KIAA0825: variants seen among roughly 807,000 people sequenced by gnomAD.
KIAA0825 encodes KIAA0825.
KIAA0825 carries 119 observed loss-of-function variants against 147.6 expected under a neutral mutation model. The observed-to-expected ratio is 0.81, with a 90% confidence interval of 0.69 to 0.94. KIAA0825 has a LOEUF of 0.94. Ranked by LOEUF, KIAA0825 falls within the 40% of genes least tolerant of loss-of-function variation. KIAA0825 has a pLI of 0.00. For missense variants in KIAA0825, 1,381 were observed against 1,472.7 expected, an observed-to-expected ratio of 0.94 and a Z score of 1.02; for synonymous variants, 470 against 518.1, an observed-to-expected ratio of 0.91 and a Z score of 1.26.
At chr5:94,312,220 GGTGT>G (rs142667357) in intron 20 of KIAA0825, among the ~76,000 whole-genome samples, 11 of 149,344 alleles carry the variant, frequency 7.4e-5, no homozygotes, top group Admixed American at 3.4e-4. Context: ...TAATATACAT[GGTGT>G]GTGTGTGTGT....
At chr5:94,565,345 C>CTTT (rs200278201) in intron 2 of KIAA0825, among the ~76,000 whole-genome samples, 5 of 136,990 alleles carry the variant, frequency 3.6e-5, no homozygotes, top group Admixed American at 7.4e-5. Flanking sequence ...ATTTTAATTC[C>CTTT]TTTTTTTTTT....
chr5:94,372,583 G>C (rs1196875123), intron 20 of KIAA0825, among the ~76,000 whole-genome samples: 1 of 152,198 alleles, frequency 6.6e-6, no homozygotes, highest in East Asian at 1.9e-4. Flanking sequence ...TGAAGCAGCT[G>C]GGATGCAGGG....
chr5:94,362,683 C>T (rs977020408), intron 20 of KIAA0825, among the ~76,000 whole-genome samples: 4 of 145,802 alleles, frequency 2.7e-5, no homozygotes, highest in African/African-American at 9.8e-5. Flanking sequence ...TCTATCTCCT[C>T]CACTAGATTC....
intron 20 of KIAA0825, among the ~76,000 whole-genome samples, chr5:94,235,780 A>G (rs1225974185): frequency 6.6e-6 from 1 of 152,194 alleles, no homozygotes; most frequent in Non-Finnish European, 1.5e-5. Context: ...TTCATTTACC[A>G]TTCCAAAAAT....
Position 94,217,575 on chromosome 5 carries a change from G to T in KIAA0825, c.3711-63451C>A, listed in dbSNP as rs527355404. On this transcript the variant is annotated intron_variant, in intron 20 of 20. Transcript: ENST00000682413. ...CATACTGTAGGTAGCCCTATATTTT[G>T]AAATGACAGTCTTGATTTAAATTTT... Among the ~76,000 whole-genome samples the T allele has an allele frequency of 3.9e-5, 6 of 152,270 alleles. No homozygotes were observed. In the South Asian group the frequency reaches 1.2e-3, roughly 32 times the overall value.
At chr5:94,224,598 A>G (rs1228592095) in intron 20 of KIAA0825, among the ~76,000 whole-genome samples, 1 of 152,180 alleles carries the variant, frequency 6.6e-6, no homozygotes, top group East Asian at 1.9e-4. Context: ...GGTGATGACT[A>G]TAAATGTTTT....
At chr5:94,492,240 TG>T (rs1207336031) in intron 5 of KIAA0825, among the ~76,000 whole-genome samples, 1 of 152,234 alleles carries the variant, frequency 6.6e-6, no homozygotes, top group Non-Finnish European at 1.5e-5. Flanking sequence ...CCAGATGGCT[TG>T]GCTTCAAATC....
intron 20 of KIAA0825, among the ~76,000 whole-genome samples, chr5:94,283,597 C>T (rs1478431275): frequency 6.6e-6 from 1 of 151,996 alleles, no homozygotes; most frequent in Non-Finnish European, 1.5e-5. Context: ...GTAGATATAG[C>T]AAAATTTCAG....
intron 1 of KIAA0825, among the ~76,000 whole-genome samples, chr5:94,604,821 A>G (rs1297088806): frequency 6.6e-6 from 1 of 152,176 alleles, no homozygotes; most frequent in Non-Finnish European, 1.5e-5. Flanking sequence ...ACAAGCTAAC[A>G]TTACAATTAA....
At chr5:94,333,543 G>A (rs1292974352) in intron 20 of KIAA0825, among the ~76,000 whole-genome samples, 1 of 152,110 alleles carries the variant, frequency 6.6e-6, no homozygotes, top group Non-Finnish European at 1.5e-5. Flanking sequence ...TTGTAGATGT[G>A]TGGTGTTATT....
rs199584447 is a variant in KIAA0825, at chr5:94,296,787, C to G, written c.3710+87581G>C. Among the ~76,000 whole-genome samples the G allele has an allele frequency of 2.0e-4, 30 of 152,252 alleles. No homozygotes were observed. The East Asian group carries it at 5.2e-3, about 26-fold the overall frequency. On this transcript the variant is annotated intron_variant, in intron 20 of 20. Coordinates refer to ENST00000682413, the MANE Select transcript of KIAA0825 (RefSeq NM_001145678.3). ...GCTGGGTTGGAAGTGCAGAAATCAC[C>G]TGCCTTCTGCATTGATCTTGCTGGG...
chr5:94,199,282 A>C (rs1771438690), intron 20 of KIAA0825, among the ~76,000 whole-genome samples: 1 of 152,056 alleles, frequency 6.6e-6, no homozygotes, highest in Non-Finnish European at 1.5e-5. Context: ...CAACTGTCTT[A>C]ATTTCTGCAT....
At chr5:94,426,029 T>TTAC (rs1030693199) in intron 14 of KIAA0825, among the ~76,000 whole-genome samples, 3 of 147,558 alleles carry the variant, frequency 2.0e-5, no homozygotes, top group Non-Finnish European at 4.5e-5. Context: ...TGTATTATTA[T>TTAC]TATCATTATT....
At position 94,374,046 on chromosome 5, in the gene KIAA0825, G is replaced by C. The variant is rs960320206; in HGVS notation, c.3710+10322C>G. On this transcript the variant is annotated intron_variant, in intron 20 of 20. Transcript: ENST00000682413. ...AACTTTTTGCAAAAAAAATTACAGA[G>C]GTTTTTGGGTCTGAACAGTATGTGA... is the stretch of plus-strand genomic sequence containing the variant. Among the ~76,000 whole-genome samples the C allele has an allele frequency of 5.9e-5, 9 of 152,236 alleles. No homozygotes were observed. In the East Asian group the frequency reaches 1.2e-3, roughly 20 times the overall value.
intron 2 of KIAA0825, among the ~76,000 whole-genome samples, chr5:94,543,848 C>T (rs1241287359): frequency 5.3e-5 from 8 of 152,212 alleles, no homozygotes; most frequent in Non-Finnish European, 1.2e-4. Context: ...CTCCCATCAG[C>T]ACCATGACAG....
chr5:94,557,183 A>C (rs1339175479), intron 2 of KIAA0825, among the ~76,000 whole-genome samples: 1 of 152,124 alleles, frequency 6.6e-6, no homozygotes, highest in Non-Finnish European at 1.5e-5. Flanking sequence ...GCACGATCAC[A>C]GTTCACTGCA....
At chr5:94,497,362 A>G (rs1349513231) in intron 5 of KIAA0825, among the ~76,000 whole-genome samples, 2 of 152,200 alleles carry the variant, frequency 1.3e-5, no homozygotes, top group Non-Finnish European at 2.9e-5. Context: ...ATTGCCCTCA[A>G]ACACCAAGTT....
At chr5:94,317,827 T>C (rs1453222546) in intron 20 of KIAA0825, among the ~76,000 whole-genome samples, 1 of 151,936 alleles carries the variant, frequency 6.6e-6, no homozygotes, top group African/African-American at 2.4e-5. Flanking sequence ...AAATCAAACC[T>C]ATTGATTTTA....
intron 5 of KIAA0825, among the ~76,000 whole-genome samples, chr5:94,518,709 T>A (rs760244886): frequency 1.3e-5 from 2 of 152,104 alleles, no homozygotes; most frequent in Non-Finnish European, 2.9e-5. Context: ...CATATCAAAG[T>A]TCAGATAAAG....
Sources: allele counts gnomAD v4.1 joint callset (sites outside exome capture counted in the v4.1 genomes callset), GRCh38; gene constraint gnomAD v4.1.1; transcripts MANE v1.5; gene names NCBI Gene and HGNC (gene_info 2026-07-23, HGNC 2026-07-21).